TMEM232: variants seen among roughly 807,000 people sequenced by gnomAD.
The protein encoded by TMEM232 is transmembrane protein 232.
A neutral mutation model predicts 78.8 loss-of-function variants in TMEM232; 80 were observed. The observed-to-expected ratio is 1.01, with a 90% CI of 0.85 to 1.22. The LOEUF is 1.22. Among genes scored for constraint, TMEM232 ranks in the 50% most tolerant of loss-of-function variants. TMEM232 has a pLI of 0.00. For synonymous variants in TMEM232, 297 were observed against 254.3 expected, an observed-to-expected ratio of 1.17 and a Z score of -1.60; for missense variants, 881 against 742.2, an observed-to-expected ratio of 1.19 and a Z score of -2.17.
intron 5 of TMEM232, among the ~76,000 whole-genome samples, chr5:110,632,446 A>G (rs556484928): frequency 6.6e-6 from 1 of 152,192 alleles, no homozygotes; most frequent in African/African-American, 2.4e-5. Context: ...AAATCAAATT[A>G]TGACACTAAA....
intron 10 of TMEM232, among the ~76,000 whole-genome samples, chr5:110,590,646 A>T (rs1180673970): frequency 6.6e-6 from 1 of 152,128 alleles, no homozygotes; most frequent in Non-Finnish European, 1.5e-5. Context: ...CTGAGATAAG[A>T]TCAAAGGAAA....
intron 12 of TMEM232, among the ~76,000 whole-genome samples, chr5:110,477,926 T>G (rs1316022485): frequency 6.6e-6 from 1 of 151,942 alleles, no homozygotes; most frequent in Admixed American, 6.6e-5. Context: ...GACAACATTT[T>G]ATTTCATTGA....
chr5:110,547,198 T>C (rs1773884238), intron 11 of TMEM232, among the ~76,000 whole-genome samples: 1 of 152,194 alleles, frequency 6.6e-6, no homozygotes, highest in Non-Finnish European at 1.5e-5. Flanking sequence ...ATATGTGGCA[T>C]TAGTCTGTTT....
intron 2 of TMEM232, among the ~76,000 whole-genome samples, chr5:110,651,149 T>C (rs146673632): frequency 6.6e-6 from 1 of 152,250 alleles, no homozygotes; most frequent in African/African-American, 2.4e-5. Flanking sequence ...CAAAACCTGA[T>C]AGGCAGTCAC....
At chr5:110,400,595 G>A (rs557731916) in intron 2 of TMEM232, among the ~76,000 whole-genome samples, 1 of 152,132 alleles carries the variant, frequency 6.6e-6, no homozygotes, top group South Asian at 2.1e-4. Context: ...GGAAAGTCAA[G>A]TTTATAAATG....
At chr5:110,626,083 T>C (rs1580409551) in intron 6 of TMEM232, among the ~76,000 whole-genome samples, 2 of 151,958 alleles carry the variant, frequency 1.3e-5, no homozygotes, top group African/African-American at 4.8e-5. Flanking sequence ...TAGCTTCAGG[T>C]AGAAAACAGC....
In TMEM232 at chr5:110,624,397, G is replaced by T. The variant is rs188980482; in HGVS notation, c.768+870C>A. The stretch of plus-strand genomic sequence containing the variant: ...TGATGATGACTATGACAATAATGAC[G>T]ACTTTTTAAAGATATGCAAATGGAA... On this transcript the variant is annotated intron_variant, in intron 7 of 13. Coordinates refer to ENST00000455884, the MANE Select transcript of TMEM232 (RefSeq NM_001039763.4). Among the ~76,000 whole-genome samples the T allele has an allele frequency of 8.5e-4, 128 of 150,952 alleles. 1 individual carries two copies. The highest frequency in any genetic ancestry group is 3.1e-3 in the African/African-American group (126 of 41,174).
At chr5:110,454,518 A>G (rs1372175665) in intron 12 of TMEM232, among the ~76,000 whole-genome samples, 3 of 152,110 alleles carry the variant, frequency 2.0e-5, no homozygotes, top group Non-Finnish European at 4.4e-5. Flanking sequence ...AAGTAACAGA[A>G]AGATATATGG....
intron 13 of TMEM232, among the ~76,000 whole-genome samples, chr5:110,424,307 C>T (rs1040618051): frequency 2.0e-5 from 3 of 152,028 alleles, no homozygotes; most frequent in East Asian, 1.9e-4. Context: ...TTTAAAAGAA[C>T]GAGGCATAAA....
At position 110,528,721 on chromosome 5, in the gene TMEM232, A is replaced by C; in HGVS notation, c.1570T>G (p.Ser524Ala). ...TCAATGGGGGGAAAGAATAGTTTGGAAAGAGTGTTGGCAATTCTCCACCCA... is the reference window on the plus strand; with the variant it reads ...TCAATGGGGGGAAAGAATAGTTTGGCAAGAGTGTTGGCAATTCTCCACCCA... ...YIGWRIANTL[S>A]KLFFPPIEAH... is the part of the protein sequence containing the mutation. Residue 524 changes from serine (S) to alanine (A), a missense_variant, in exon 12 of 14, where the codon TCC becomes GCC. Ser to Ala is a moderately conservative substitution (Grantham distance 99). Transcript: ENST00000455884. The C allele has an allele frequency of 6.5e-7, 1 of 1,534,840 alleles. No homozygotes were observed.
At chr5:110,721,671 G>GTATATATATA (rs1192575850) in intron 1 of TMEM232, among the ~76,000 whole-genome samples, 2 of 23,380 alleles carry the variant, frequency 8.6e-5, no homozygotes, top group Non-Finnish European at 2.7e-4. Flanking sequence ...GTGTGTGTGT[G>GTATATATATA]TGTATATATA....
intron 1 of TMEM232, among the ~76,000 whole-genome samples, chr5:110,705,763 CGTGTGT>C (rs139138961): frequency 1.0e-4 from 13 of 125,414 alleles, no homozygotes; most frequent in Admixed American, 8.5e-4. Flanking sequence ...TATGTGTGTG[CGTGTGT>C]GTGTGTGTGT....
At chr5:110,726,753 A>T (rs907790207), upstream of TMEM232, 9 of 152,304 alleles carry the variant, frequency 5.9e-5, no homozygotes, top group Admixed American at 5.9e-4. Flanking sequence ...TTATAAGTGA[A>T]TTTCCACCTG....
chr5:110,540,070 CTT>C (rs1004396345), intron 11 of TMEM232, among the ~76,000 whole-genome samples: 1 of 152,190 alleles, frequency 6.6e-6, no homozygotes, highest in Non-Finnish European at 1.5e-5. Context: ...TGAGAGAAAC[CTT>C]TGCCAAGTTA....
rs976430112 is a variant in TMEM232, at chr5:110,514,338, A to T, written c.1703+14250T>A. Among the ~76,000 whole-genome samples, 8 of 151,986 alleles carry T rather than the reference A, an allele frequency of 5.3e-5. No homozygotes were observed. In the East Asian group the frequency reaches 1.2e-3, roughly 22 times the overall value. ...AGTTGCCAGCAGCAATTCATAGCTT[A>T]AAAAAAAGCACAAAAATGTAAACCT... On this transcript the variant is annotated intron_variant, in intron 12 of 13. Coordinates refer to ENST00000455884, the MANE Select transcript of TMEM232 (RefSeq NM_001039763.4).
At chr5:110,634,777 C>T (rs769232261) in intron 5 of TMEM232, among the ~76,000 whole-genome samples, 1 of 151,894 alleles carries the variant, frequency 6.6e-6, no homozygotes, top group Non-Finnish European at 1.5e-5. Flanking sequence ...TAATGATGCA[C>T]TTCAAGGAAC....
At chr5:110,606,334 T>C in intron 8 of TMEM232, 47 bp from the exon 9 acceptor site, 1 of 1,445,394 alleles carries the variant, frequency 6.9e-7, no homozygotes, top group African/African-American at 1.4e-5. Flanking sequence ...TGGAAAATAA[T>C]AATAATAATC....
intron 12 of TMEM232, among the ~76,000 whole-genome samples, chr5:110,460,716 G>A (rs573421253): frequency 2.0e-5 from 3 of 147,220 alleles, no homozygotes; most frequent in Non-Finnish European, 3.0e-5. Context: ...ACTTTATATC[G>A]AGCAAATCTA....
At chr5:110,656,648 G>A (rs569568039) in intron 2 of TMEM232, among the ~76,000 whole-genome samples, 3 of 152,082 alleles carry the variant, frequency 2.0e-5, no homozygotes, top group African/African-American at 7.2e-5. Flanking sequence ...GACCATCCTG[G>A]CTAACAAGTG....
Sources: gnomAD v4.1 joint callset for allele counts (sites outside exome capture counted in the v4.1 genomes callset) on GRCh38, gnomAD v4.1.1 for gene constraint, MANE v1.5 for transcripts, NCBI Gene and HGNC (gene_info 2026-07-23, HGNC 2026-07-21) for gene names.